The following TMEM132C variants were observed in gnomAD, a reference collection of about 807,000 sequenced individuals.
TMEM132C encodes the protein transmembrane protein 132C.
Under a neutral mutation model 61.4 loss-of-function variants are expected in TMEM132C, and 29 were observed. The observed-to-expected ratio is 0.47, with a 90% CI of 0.35 to 0.64. TMEM132C has a LOEUF of 0.64. Ranked by LOEUF, TMEM132C falls within the 30% of genes least tolerant of loss-of-function variation. The pLI, the probability that TMEM132C is intolerant of heterozygous loss-of-function variation, is 0.00. For missense variants in TMEM132C, 1,408 were observed against 1,476.9 expected (o/e 0.95, Z 0.76); for synonymous variants, 656 against 633.1 (o/e 1.04, Z -0.54).
chr12:128,341,502 G>A (rs1416621567), intron 1 of TMEM132C, among the ~76,000 whole-genome samples: 1 of 152,184 alleles, frequency 6.6e-6, no homozygotes, highest in Non-Finnish European at 1.5e-5. Flanking sequence ...ACTTTTGGGG[G>A]AAGTCAGGAC....
chr12:128,411,510 A>G (rs1481859503), intron 1 of TMEM132C, among the ~76,000 whole-genome samples: 1 of 152,190 alleles, frequency 6.6e-6, no homozygotes, highest in Non-Finnish European at 1.5e-5. Flanking sequence ...CAGTGTGTTC[A>G]GTGCTGCTGT....
intron 1 of TMEM132C, among the ~76,000 whole-genome samples, chr12:128,364,691 C>T (rs7969304): frequency 5.9e-5 from 9 of 152,184 alleles, no homozygotes; most frequent in African/African-American, 1.7e-4. Flanking sequence ...CTGCCTGCAC[C>T]GAGGGGGTCT....
intron 8 of TMEM132C, among the ~76,000 whole-genome samples, chr12:128,699,989 T>A (rs541007604): frequency 6.6e-6 from 1 of 152,054 alleles, no homozygotes; most frequent in African/African-American, 2.4e-5. Context: ...ACTCTCACAT[T>A]TGGGATTAGA....
At chr12:128,371,759 T>C (rs1874034401) in intron 1 of TMEM132C, among the ~76,000 whole-genome samples, 1 of 152,100 alleles carries the variant, frequency 6.6e-6, no homozygotes, top group Non-Finnish European at 1.5e-5. Flanking sequence ...AAAATTTTTT[T>C]ATAGAGACAG....
chr12:128,303,284 A>G (rs1514903), intron 1 of TMEM132C, among the ~76,000 whole-genome samples: 83,184 of 152,040 alleles, frequency 0.55, 23,258 homozygotes, highest in Middle Eastern at 0.65. Flanking sequence ...ATGAGTCCAA[A>G]TTTTAGTGTC....
chr12:128,507,252 T>C (rs1742156169), intron 2 of TMEM132C, among the ~76,000 whole-genome samples: 1 of 152,224 alleles, frequency 6.6e-6, no homozygotes, highest in African/African-American at 2.4e-5. Flanking sequence ...ATACTTCACC[T>C]GGAGACCTAA....
rs1263522879 is a variant in TMEM132C at position 128,363,725 on chromosome 12, G to A, written c.86-51007G>A. ...CTGGGCGTGGTGGCACATGCCTGTA[G>A]TCCCAGCTACTCAGGAGGCTGAGGC... On this transcript the variant is annotated intron_variant, in intron 1 of 8. Coordinates refer to ENST00000435159, the MANE Select transcript of TMEM132C (RefSeq NM_001136103.3). Among the ~76,000 whole-genome samples the A allele has an allele frequency of 3.3e-5, 5 of 151,908 alleles. No individual in the cohort carries two copies. In the South Asian group the frequency reaches 1.0e-3, roughly 32 times the overall value.
chr12:128,566,591 G>A (rs56348768), intron 3 of TMEM132C, among the ~76,000 whole-genome samples: 56 of 152,256 alleles, frequency 3.7e-4, no homozygotes, highest in Non-Finnish European at 6.6e-4. Context: ...GACATAAAAC[G>A]CCCATGAAAT....
intron 2 of TMEM132C, among the ~76,000 whole-genome samples, chr12:128,495,978 T>G (rs1871940291): frequency 6.6e-6 from 1 of 152,212 alleles, no homozygotes; most frequent in Non-Finnish European, 1.5e-5. Context: ...TACCGGTTGT[T>G]TCTTTCCATG....
intron 1 of TMEM132C, among the ~76,000 whole-genome samples, chr12:128,353,771 G>C (rs1396833892): frequency 6.6e-6 from 1 of 152,140 alleles, no homozygotes; most frequent in East Asian, 1.9e-4. Flanking sequence ...CCTCCTGGTA[G>C]TAGTGGCCGC....
At chr12:128,682,538 A>C (rs544797897) in intron 5 of TMEM132C, among the ~76,000 whole-genome samples, 17 of 152,318 alleles carry the variant, frequency 1.1e-4, no homozygotes, top group Non-Finnish European at 2.4e-4. Flanking sequence ...TTGGTCCTGC[A>C]TTGTCTGTGA....
At chr12:128,521,758 CAA>C (rs1872913900) in intron 2 of TMEM132C, among the ~76,000 whole-genome samples, 2 of 152,102 alleles carry the variant, frequency 1.3e-5, no homozygotes. Context: ...AATCATAGCT[CAA>C]GAGCGGAATC....
intron 5 of TMEM132C, among the ~76,000 whole-genome samples, chr12:128,680,489 T>C (rs987080598): frequency 3.3e-5 from 5 of 152,210 alleles, no homozygotes; most frequent in African/African-American, 1.2e-4. Flanking sequence ...TGTGTGACTA[T>C]TTAAATTAGT....
chr12:128,278,197 G>A lies in TMEM132C; in HGVS notation c.85+10710G>A, dbSNP rs183106470. Among the ~76,000 whole-genome samples, 1,195 of 152,202 alleles carry A rather than the reference G, an allele frequency of 7.9e-3. 6 individuals carry two copies. Among genetic ancestry groups the A allele is most frequent in the Middle Eastern group, 0.017 (5 of 294 alleles). ...AATCTCAGGGGAAGTCTATGTTTCG[G>A]GGCATTTGTTCTGCTCCGGCTTTGT... On this transcript the variant is annotated intron_variant, in intron 1 of 8. Coordinates refer to ENST00000435159, the MANE Select transcript of TMEM132C (RefSeq NM_001136103.3). This position sits in a 1 kb window ranked among gnomAD's most constrained non-coding sequence, Gnocchi z 4.2.
rs545737002 is a variant in TMEM132C, at chr12:128,495,737, A to G, written c.975-48220A>G. 8.2e-4 allele frequency among the ~76,000 whole-genome samples: 124 copies of G among 152,012 alleles called. 1 individual carries two copies. Among genetic ancestry groups the G allele is most frequent in the Middle Eastern group, 6.8e-3 (2 of 294 alleles). ...GAGCCTATGTGTGTCTCTGCACGTGAGATGGGTTTCCTGAATACAGCACAC... is the reference window on the plus strand; with the variant it reads ...GAGCCTATGTGTGTCTCTGCACGTGGGATGGGTTTCCTGAATACAGCACAC... On this transcript the variant is annotated intron_variant, in intron 2 of 8. Transcript: ENST00000435159.
chr12:128,346,471 A>G (rs940965998), intron 1 of TMEM132C, among the ~76,000 whole-genome samples: 1 of 152,226 alleles, frequency 6.6e-6, no homozygotes, highest in Admixed American at 6.5e-5. Context: ...TAGGAATACC[A>G]TTGAATCTAT....
intron 4 of TMEM132C, among the ~76,000 whole-genome samples, chr12:128,626,626 A>G (rs1395855762): frequency 1.3e-5 from 2 of 151,102 alleles, no homozygotes; most frequent in South Asian, 4.2e-4. Context: ...TGTATTTTTA[A>G]CAGAGACAAG....
rs549676299 is a variant in TMEM132C at position 128,676,143 on chromosome 12, C to T, written c.1449+6583C>T. Among the ~76,000 whole-genome samples the T allele has an allele frequency of 8.5e-5, 13 of 152,312 alleles. No homozygotes were observed. In the South Asian group the frequency reaches 2.3e-3, roughly 27 times the overall value. On this transcript the variant is annotated intron_variant, in intron 5 of 8. Transcript: ENST00000435159. ...TCTGCAGTACAAGATCCAATCCAGG[C>T]TCACATGCACATTTAATTGTCACGT...
intron 2 of TMEM132C, among the ~76,000 whole-genome samples, chr12:128,435,136 A>G (rs1869537144): frequency 6.6e-6 from 1 of 152,244 alleles, no homozygotes; most frequent in Non-Finnish European, 1.5e-5. Context: ...GCAAACTACC[A>G]GAAGTCCTAA....
Sources: gnomAD v4.1 joint callset for allele counts (sites outside exome capture counted in the v4.1 genomes callset) on GRCh38, gnomAD v4.1.1 for gene constraint, Gnocchi (gnomAD v3.1) non-coding constraint, MANE v1.5 for transcripts, NCBI Gene and HGNC (gene_info 2026-07-23, HGNC 2026-07-21) for gene names.